The following ENOX1 variants were observed in gnomAD, a reference collection of about 807,000 sequenced individuals.
The protein encoded by ENOX1 is ecto-NOX disulfide-thiol exchanger 1.
In ENOX1, 42 loss-of-function variants were observed where a neutral mutation model predicts 82.5. The observed-to-expected ratio is 0.51, with a 90% CI of 0.40 to 0.66. The LOEUF is 0.66. Ranked by LOEUF, ENOX1 falls within the 30% of genes least tolerant of loss-of-function variation. The pLI, the probability that ENOX1 is intolerant of heterozygous loss-of-function variation, is 0.00. For synonymous variants in ENOX1, 271 were observed against 282.2 expected, an observed-to-expected ratio of 0.96 and a Z score of 0.40; for missense variants, 608 against 811.6, an observed-to-expected ratio of 0.75 and a Z score of 3.05.
intron 2 of ENOX1, among the ~76,000 whole-genome samples, chr13:43,608,044 C>G (rs1379266838): frequency 6.6e-6 from 1 of 152,180 alleles, no homozygotes; most frequent in Non-Finnish European, 1.5e-5. Context: ...ATCATTCCAT[C>G]ATGTGACACC....
At chr13:43,477,988 C>G (rs1017397512) in intron 3 of ENOX1, among the ~76,000 whole-genome samples, 1 of 151,046 alleles carries the variant, frequency 6.6e-6, no homozygotes, top group African/African-American at 2.4e-5. Flanking sequence ...GGAAGGAAAC[C>G]TACTAACATT....
intron 1 of ENOX1, among the ~76,000 whole-genome samples, chr13:43,686,516 C>T (rs1263069967): frequency 6.6e-6 from 1 of 152,136 alleles, no homozygotes; most frequent in Non-Finnish European, 1.5e-5. Flanking sequence ...ATCTGGCTTA[C>T]TGAGGCAAAA....
chr13:43,435,003 TG>T (rs2055929151), intron 3 of ENOX1, among the ~76,000 whole-genome samples: 1 of 139,812 alleles, frequency 7.2e-6, no homozygotes, highest in Non-Finnish European at 1.5e-5. Flanking sequence ...ATTAGTTTCC[TG>T]GATATTTGTA....
In ENOX1 at chr13:43,326,206, G is replaced by A. The variant is rs574048958; in HGVS notation, c.1143+213C>T. On this transcript the variant is annotated intron_variant, in intron 10 of 16. Transcript: ENST00000690772. Reference sequence around the variant, plus strand: ...ATGGGAAAAAGTATTTTCTCCCATTGCAGGGGAGAAAAACACTGTGTTCCC... The same window carrying A: ...ATGGGAAAAAGTATTTTCTCCCATTACAGGGGAGAAAAACACTGTGTTCCC... Among the ~76,000 whole-genome samples, 41 of 152,226 alleles carry A rather than the reference G, an allele frequency of 2.7e-4. 1 individual carries two copies. In the South Asian group the frequency reaches 8.5e-3, roughly 32 times the overall value.
At chr13:43,701,308 A>G (rs7987487) in intron 1 of ENOX1, among the ~76,000 whole-genome samples, 19,194 of 152,170 alleles carry the variant, frequency 0.13, 2,307 homozygotes, top group African/African-American at 0.31. Flanking sequence ...GACCCATCTT[A>G]GTTTTTTAAC....
chr13:43,325,750 T>G (rs1280409662), intron 10 of ENOX1, among the ~76,000 whole-genome samples: 1 of 152,166 alleles, frequency 6.6e-6, no homozygotes, highest in Admixed American at 6.5e-5. Flanking sequence ...GTTCAAAGCG[T>G]ACACTACTCT....
intron 1 of ENOX1, among the ~76,000 whole-genome samples, chr13:43,767,027 T>G (rs1239676689): frequency 6.6e-6 from 1 of 152,046 alleles, no homozygotes; most frequent in Non-Finnish European, 1.5e-5. Flanking sequence ...AGAACTGAAG[T>G]GCACTTCACC....
rs572931105 is a variant in ENOX1, at chr13:43,753,820, G to A, written c.-285+32832C>T. On this transcript the variant is annotated intron_variant, in intron 1 of 16. Coordinates refer to ENST00000690772, the MANE Select transcript of ENOX1 (RefSeq NM_001347969.2). The stretch of plus-strand genomic sequence containing the variant: ...CAGTATAATCACTAACCACATAAGA[G>A]AAACTCAGGGGCCTATTAAGAGTAA... 9.2e-5 allele frequency among the ~76,000 whole-genome samples: 14 copies of A among 152,222 alleles called. No individual in the cohort carries two copies. The East Asian group carries it at 2.5e-3, about 27-fold the overall frequency.
chr13:43,681,841 A>T (rs1281833517), intron 1 of ENOX1, among the ~76,000 whole-genome samples: 1 of 152,068 alleles, frequency 6.6e-6, no homozygotes, highest in African/African-American at 2.4e-5. Context: ...ACAGACTTCA[A>T]ATCATTTATC....
At chr13:43,771,480 A>G (rs1175040957) in intron 1 of ENOX1, among the ~76,000 whole-genome samples, 2 of 149,822 alleles carry the variant, frequency 1.3e-5, no homozygotes, top group Non-Finnish European at 3.0e-5. Context: ...CAGTTCTACA[A>G]TTATAACTTA....
chr13:43,571,773 A>C (rs890622134), intron 2 of ENOX1, among the ~76,000 whole-genome samples: 1 of 151,944 alleles, frequency 6.6e-6, no homozygotes, highest in Non-Finnish European at 1.5e-5. Context: ...GAAATATAAG[A>C]CCTCCAATTC....
chr13:43,283,010 A>C (rs772598366), intron 12 of ENOX1, among the ~76,000 whole-genome samples: 1 of 151,784 alleles, frequency 6.6e-6, no homozygotes. Context: ...TTGAACCCAG[A>C]AGGCAGAGGT....
intron 2 of ENOX1, among the ~76,000 whole-genome samples, chr13:43,598,805 A>AAT (rs2081577819): frequency 6.6e-6 from 1 of 151,946 alleles, no homozygotes; most frequent in Admixed American, 6.6e-5. Context: ...GAAAGTAAAA[A>AAT]TTTTTTTTAG....
At chr13:43,674,675 C>T (rs1230488342) in intron 1 of ENOX1, among the ~76,000 whole-genome samples, 1 of 152,102 alleles carries the variant, frequency 6.6e-6, no homozygotes, top group African/African-American at 2.4e-5. Flanking sequence ...TGTCATTATA[C>T]GTTTATCCAA....
chr13:43,534,784 C>T (rs1473145333), intron 2 of ENOX1, among the ~76,000 whole-genome samples: 2 of 152,120 alleles, frequency 1.3e-5, no homozygotes, highest in African/African-American at 4.8e-5. Flanking sequence ...GGTGTTGCCA[C>T]TAGCAACTAG....
At chr13:43,769,464 C>T (rs938867703) in intron 1 of ENOX1, among the ~76,000 whole-genome samples, 4 of 151,974 alleles carry the variant, frequency 2.6e-5, no homozygotes, top group Non-Finnish European at 4.4e-5. Flanking sequence ...TTCAGAAAAA[C>T]TACAGTTGAG....
chr13:43,494,442 A>G (rs2076725932), intron 2 of ENOX1, among the ~76,000 whole-genome samples: 1 of 152,240 alleles, frequency 6.6e-6, no homozygotes, highest in African/African-American at 2.4e-5. Flanking sequence ...AAATGAGTCA[A>G]AACTAAAGCT....
intron 5 of ENOX1, among the ~76,000 whole-genome samples, chr13:43,405,446 C>T (rs2053738015): frequency 6.6e-6 from 1 of 152,144 alleles, no homozygotes; most frequent in African/African-American, 2.4e-5. Context: ...CCATAAATCT[C>T]CCTGCTCAAC....
At chr13:43,690,040 G>A (rs1310232864) in intron 1 of ENOX1, among the ~76,000 whole-genome samples, 1 of 152,068 alleles carries the variant, frequency 6.6e-6, no homozygotes, top group Non-Finnish European at 1.5e-5. Context: ...TCCATCCCCT[G>A]TTCCTTGGCT....
Sources: gnomAD v4.1 joint callset for allele counts (sites outside exome capture counted in the v4.1 genomes callset) on GRCh38, gnomAD v4.1.1 for gene constraint, MANE v1.5 for transcripts, NCBI Gene and HGNC (gene_info 2026-07-23, HGNC 2026-07-21) for gene names.